The following MAGI1 variants were observed in gnomAD, a reference collection of about 807,000 sequenced individuals.
MAGI1 encodes membrane-associated guanylate kinase, WW and PDZ domain-containing protein 1.
In MAGI1, 58 loss-of-function variants were observed where a neutral mutation model predicts 139.9. The ratio of observed to expected loss-of-function variants is 0.41; its 90% CI spans 0.34 to 0.52. The LOEUF (loss-of-function observed/expected upper bound fraction) is 0.52, where lower values mean the gene tolerates loss of function less well. Ranked by LOEUF, MAGI1 falls within the 20% of genes least tolerant of loss-of-function variation. The pLI is 0.12. For missense variants in MAGI1, 1,874 were observed against 1,901.6 expected, an observed-to-expected ratio of 0.99 and a Z score of 0.27; for synonymous variants, 812 against 737.9, an observed-to-expected ratio of 1.10 and a Z score of -1.63.
At chr3:65,514,082 T>C (rs892950818) in intron 2 of MAGI1, among the ~76,000 whole-genome samples, 4 of 146,564 alleles carry the variant, frequency 2.7e-5, no homozygotes, top group African/African-American at 5.0e-5. Flanking sequence ...TAATAAATGG[T>C]GCTGGGAAAA....
chr3:65,544,379 G>A (rs956854784), intron 2 of MAGI1, among the ~76,000 whole-genome samples: 1 of 152,016 alleles, frequency 6.6e-6, no homozygotes. Context: ...GGGGAACTGG[G>A]GGATCTCAGA....
intron 1 of MAGI1, among the ~76,000 whole-genome samples, chr3:65,904,069 A>T (rs1171102481): frequency 6.6e-6 from 1 of 152,274 alleles, no homozygotes. Flanking sequence ...AAATCTAGCA[A>T]ATTAGAAAGG....
At chr3:65,598,807 G>A (rs1368650396) in intron 2 of MAGI1, among the ~76,000 whole-genome samples, 1 of 152,306 alleles carries the variant, frequency 6.6e-6, no homozygotes, top group South Asian at 2.1e-4. Flanking sequence ...AGAGCCGGCG[G>A]TATCACCTCC....
At chr3:65,956,947 A>G (rs956636313) in intron 1 of MAGI1, among the ~76,000 whole-genome samples, 7 of 152,162 alleles carry the variant, frequency 4.6e-5, no homozygotes, top group Non-Finnish European at 1.0e-4. Flanking sequence ...AGCTGCAGTG[A>G]GCCAAGATCA....
chr3:65,518,599 A>G (rs1020604930), intron 2 of MAGI1, among the ~76,000 whole-genome samples: 2 of 152,176 alleles, frequency 1.3e-5, no homozygotes, highest in Admixed American at 1.3e-4. Flanking sequence ...TGTTAAGCCA[A>G]ATTTGATTTG....
rs193250181 is a variant in MAGI1 at position 65,434,078 on chromosome 3, C to A, written c.1363+3077G>T. Among the ~76,000 whole-genome samples the A allele has an allele frequency of 5.7e-3, 863 of 152,200 alleles. 4 individuals carry two copies. The highest frequency in any genetic ancestry group is 9.8e-3 in the Non-Finnish European group (667 of 68,010). On this transcript the variant is annotated intron_variant, in intron 10 of 22. Transcript: ENST00000402939. ...GATTTAGACTACACAAATGAGGTAT[C>A]CCACAAAAACTAAAACAACCAAAAA...
At chr3:65,851,184 C>T (rs2059190018) in intron 1 of MAGI1, among the ~76,000 whole-genome samples, 1 of 152,064 alleles carries the variant, frequency 6.6e-6, no homozygotes, top group Non-Finnish European at 1.5e-5. Flanking sequence ...TAGAACTATG[C>T]CTGGAGTTTG....
chr3:65,890,199 C>T (rs1214023053), intron 1 of MAGI1, among the ~76,000 whole-genome samples: 7 of 152,088 alleles, frequency 4.6e-5, no homozygotes, highest in Non-Finnish European at 8.8e-5. Flanking sequence ...CCCGTCTCTA[C>T]TAAAAATACA....
At chr3:65,439,719 G>A (rs565331793) in intron 9 of MAGI1, among the ~76,000 whole-genome samples, 160 bp downstream of exon 9, 13 of 152,222 alleles carry the variant, frequency 8.5e-5, no homozygotes, top group South Asian at 2.1e-4. Context: ...AGAGGAACAT[G>A]GAGAGGGGGT....
intron 2 of MAGI1, among the ~76,000 whole-genome samples, chr3:65,555,737 G>A (rs1357829): frequency 0.43 from 64,999 of 151,924 alleles, 14,546 homozygotes; most frequent in East Asian, 0.68. Context: ...GCGTGCCTGT[G>A]GTCCCAGCTA....
chr3:65,910,728 C>A (rs893948020), intron 1 of MAGI1, among the ~76,000 whole-genome samples: 8 of 152,110 alleles, frequency 5.3e-5, no homozygotes, highest in African/African-American at 1.9e-4. Flanking sequence ...AGGCCATAAT[C>A]CCAAAATACC....
In MAGI1 at chr3:66,037,848, T is replaced by C; in HGVS notation, c.313+148A>G. On this transcript the variant is annotated intron_variant, in intron 1 of 22. Transcript: ENST00000402939. ...ACAACCCTCAACCTCGCAACAACTT[T>C]GTGTATTTCACCGCCACCACAGGGC... 2 of 1,377,370 alleles carry C rather than the reference T, an allele frequency of 1.5e-6. 1 individual carries two copies. The highest frequency in any genetic ancestry group is 2.0e-6 in the Non-Finnish European group (2 of 1,022,662). The allele number at this position is 1,377,370 out of a possible 1,614,324, so 85.3% of individuals were successfully genotyped here.
intron 1 of MAGI1, among the ~76,000 whole-genome samples, chr3:65,879,099 T>C (rs1209707662): frequency 1.3e-5 from 2 of 152,082 alleles, no homozygotes; most frequent in African/African-American, 2.4e-5. Context: ...CTTGTGCTCA[T>C]TGGTAAACAA....
chr3:65,697,015 G>C (rs2089255705), intron 1 of MAGI1, among the ~76,000 whole-genome samples: 1 of 152,138 alleles, frequency 6.6e-6, no homozygotes, highest in Non-Finnish European at 1.5e-5. Context: ...GAATCAAATA[G>C]ACACAATGAA....
chr3:65,692,956 G>A (rs1361119787), intron 1 of MAGI1, among the ~76,000 whole-genome samples: 2 of 152,120 alleles, frequency 1.3e-5, no homozygotes, highest in Non-Finnish European at 2.9e-5. Context: ...AGAGCAGACA[G>A]GGTCTTGCTC....
intron 1 of MAGI1, among the ~76,000 whole-genome samples, chr3:65,894,551 T>C (rs1313019216): frequency 6.6e-6 from 1 of 152,246 alleles, no homozygotes; most frequent in East Asian, 1.9e-4. Flanking sequence ...ACCAGTGATG[T>C]CAAATGTTAG....
intron 2 of MAGI1, among the ~76,000 whole-genome samples, chr3:65,598,362 T>G (rs891984134): frequency 6.6e-6 from 1 of 151,930 alleles, no homozygotes. Context: ...GGAGGCTGAG[T>G]GCATGAGTGG....
At chr3:65,941,815 AG>A (rs1325705979) in intron 1 of MAGI1, among the ~76,000 whole-genome samples, 1 of 152,190 alleles carries the variant, frequency 6.6e-6, no homozygotes, top group African/African-American at 2.4e-5. Flanking sequence ...TGTTTGGAAC[AG>A]GGTCTCACTC....
intron 2 of MAGI1, among the ~76,000 whole-genome samples, chr3:65,494,161 T>C (rs1952254168): frequency 6.6e-6 from 1 of 152,168 alleles, no homozygotes; most frequent in Admixed American, 6.5e-5. Context: ...AGATCTGTGG[T>C]TGGACATCTC....
Sources: gnomAD v4.1 joint callset for allele counts (sites outside exome capture counted in the v4.1 genomes callset) on GRCh38, gnomAD v4.1.1 for gene constraint, MANE v1.5 for transcripts, NCBI Gene and HGNC (gene_info 2026-07-23, HGNC 2026-07-21) for gene names.